Variants in YBEY observed in about 807,000 individuals in gnomAD.
The protein encoded by YBEY is ybeY metalloendoribonuclease, also known as endoribonuclease YbeY.
YBEY carries 15 observed loss-of-function variants against 13.5 expected under a neutral mutation model. That is an observed-to-expected ratio of 1.11 (90% CI 0.75 to 1.72). The LOEUF (loss-of-function observed/expected upper bound fraction) is 1.72, where lower values mean the gene tolerates loss of function less well. Among genes scored for constraint, YBEY ranks in the 40% most tolerant of loss-of-function variants. The pLI is 0.00. For missense variants in YBEY, 244 were observed against 208.4 expected (o/e 1.17, Z -1.05); for synonymous variants, 101 against 83.1 (o/e 1.21, Z -1.17).
chr21:46,297,211 A>C (rs908256245), intron 4 of YBEY, among the ~76,000 whole-genome samples: 39 of 152,220 alleles, frequency 2.6e-4, no homozygotes, highest in African/African-American at 8.7e-4. Context: ...AGGCAGGAGA[A>C]TCGCTTGAAC....
At chr21:46,291,197 CA>C (rs878872964) in intron 2 of YBEY, 136 bp from the exon 3 acceptor site, 69,357 of 639,154 alleles carry the variant, frequency 0.11, 50 homozygotes, top group African/African-American at 0.16. Context: ...AACTCCGTCT[CA>C]AAAAAAAAAA....
At chr21:46,312,269 C>A in the YBEY span, among the ~76,000 whole-genome samples, 1 of 152,150 alleles carries the variant, frequency 6.6e-6, no homozygotes, top group Non-Finnish European at 1.5e-5. Flanking sequence ...TGGGCTGAGG[C>A]CTGGTTCCAC....
At chr21:46,297,865 G>T (rs1020230233), downstream of YBEY, 2 of 1,005,602 alleles carry the variant, frequency 2.0e-6, no homozygotes, top group Middle Eastern at 3.7e-4. Context: ...ACCGCGCAGC[G>T]CTCGCCTCTC....
At chr21:46,308,157 T>C in the YBEY span, among the ~76,000 whole-genome samples, 1 of 151,744 alleles carries the variant, frequency 6.6e-6, no homozygotes, top group Non-Finnish European at 1.5e-5. Context: ...CCGCACCTGC[T>C]GATTTAACTT....
intron 3 of YBEY, 55 bp downstream of exon 3, chr21:46,291,517 A>T (rs778723342): frequency 6.2e-7 from 1 of 1,604,776 alleles, no homozygotes; most frequent in African/African-American, 1.3e-5. Flanking sequence ...GGGCCTTGCA[A>T]AGGGGTCAAG....
chr21:46,298,084 T>G (rs922709963), downstream of YBEY, among the ~76,000 whole-genome samples: 1 of 152,228 alleles, frequency 6.6e-6, no homozygotes, highest in Non-Finnish European at 1.5e-5. Context: ...GCGAGCGCGC[T>G]GGTTCCCCGG....
At chr21:46,302,624 T>C (rs762386663), downstream of YBEY, 2 of 1,463,558 alleles carry the variant, frequency 1.4e-6, no homozygotes, top group East Asian at 2.4e-5. Context: ...CCGTTTTTCC[T>C]ATTTGTTAAA....
In YBEY at chr21:46,291,426, G is replaced by A. The variant is rs2081706100; in HGVS notation, c.303G>A (p.Gln101=). ...TAGGAGTGGAGTATATCTTCCATCA[G>A]TGTAAAGAAAATGAAGATTACAATG... The part of the protein sequence containing the change: ...IFLGVEYIFH[Q]CKENEDYNDV... Residue 101 remains glutamine (Q), a synonymous_variant, in exon 3 of 5, where the codon CAG becomes CAA. Transcript: ENST00000397701. 2 of 1,613,978 alleles carry A rather than the reference G, an allele frequency of 1.2e-6. No individual in the cohort carries two copies. The highest frequency in any genetic ancestry group is 1.7e-6 in the Non-Finnish European group (2 of 1,180,028).
At chr21:46,292,302 G>C (rs1442074728) in intron 3 of YBEY, 2 of 152,236 alleles carry the variant, frequency 1.3e-5, no homozygotes, top group Non-Finnish European at 2.9e-5. Flanking sequence ...AATTACAGCA[G>C]GGCAAGCTGG....
chr21:46,313,104 C>T, the YBEY span: 3 of 972,144 alleles, frequency 3.1e-6, no homozygotes, highest in Non-Finnish European at 3.7e-6. Flanking sequence ...ACATCGTAAA[C>T]AGCTTCCAAA....
At chr21:46,300,805 GTGAA>G, downstream of YBEY, 2 of 1,286,552 alleles carry the variant, frequency 1.6e-6, no homozygotes, top group Non-Finnish European at 2.0e-6. Context: ...CTAATAGGGG[GTGAA>G]TGAAAGTTTA....
chr21:46,295,376 T>A (rs1316713000), intron 3 of YBEY, among the ~76,000 whole-genome samples: 1 of 151,368 alleles, frequency 6.6e-6, no homozygotes, highest in Non-Finnish European at 1.5e-5. Flanking sequence ...CTCCCAGACC[T>A]CCCTCTTCCC....
rs1337651102 is a variant in YBEY, at chr21:46,296,190, T to G, written c.368T>G (p.Leu123Trp). ...TVTATHGLCH[L>W]LGFTHGTEAE... is the part of the protein sequence containing the mutation. ...ACGGCCACCCACGGACTCTGTCACT[T>G]GCTGGGATTCACACACGGCACGGAG... The change falls in exon 4 of 5, where the codon TTG (leucine) becomes TGG (tryptophan). Residue 123 changes from leucine to tryptophan, a missense_variant. Coordinates refer to ENST00000397701, the MANE Select transcript of YBEY (RefSeq NM_001314025.2). 6.2e-7 allele frequency: 1 copy of G among 1,613,846 alleles called. No individual in the cohort carries two copies. Among genetic ancestry groups the G allele is most frequent in the Non-Finnish European group, 8.5e-7 (1 of 1,180,004 alleles).
At chr21:46,304,363 T>C in the YBEY span, among the ~76,000 whole-genome samples, 1 of 151,796 alleles carries the variant, frequency 6.6e-6, no homozygotes, top group Non-Finnish European at 1.5e-5. Context: ...TGACTGTGCC[T>C]GTAGTCCCAG....
chr21:46,301,791 A>T, downstream of YBEY: 1 of 1,242,280 alleles, frequency 8.0e-7, no homozygotes, highest in Non-Finnish European at 1.0e-6. Flanking sequence ...GGGGACCCGG[A>T]GCAAGGGATG....
the YBEY span, among the ~76,000 whole-genome samples, chr21:46,303,745 A>ATTT: frequency 3.8e-4 from 9 of 23,820 alleles, no homozygotes; most frequent in Admixed American, 1.6e-3. Flanking sequence ...ATATATATAT[A>ATTT]TTTTTTTTTT....
intron 3 of YBEY, among the ~76,000 whole-genome samples, chr21:46,292,410 T>G (rs1162731988): frequency 6.6e-6 from 1 of 152,214 alleles, no homozygotes; most frequent in Non-Finnish European, 1.5e-5. Context: ...CTTCACAAGC[T>G]TCACAGAGGT....
At chr21:46,299,472 T>C (rs1309311498), downstream of YBEY, among the ~76,000 whole-genome samples, 1 of 152,124 alleles carries the variant, frequency 6.6e-6, no homozygotes, top group Non-Finnish European at 1.5e-5. Flanking sequence ...CTGGACCCTC[T>C]TGCAAGCCAG....
Position 46,287,065 on chromosome 21 carries a change from A to T in YBEY, c.152A>T (p.Asn51Ile). 2 of 1,614,036 alleles carry T rather than the reference A, an allele frequency of 1.2e-6. No homozygotes were observed. Among genetic ancestry groups the T allele is most frequent in the Non-Finnish European group, 1.7e-6 (2 of 1,180,008 alleles). ...GACAACAAGAATATTCAGCACATTA[A>T]TAGAATCTACAGAGATAGAAATGTC... ...CVDNKNIQHI[N>I]RIYRDRNVPT... Residue 51 changes from asparagine (N) to isoleucine (I), a missense_variant, in exon 2 of 5, where the codon AAT becomes ATT. Transcript: ENST00000397701.
Sources: gnomAD v4.1 joint callset for allele counts (sites outside exome capture counted in the v4.1 genomes callset) on GRCh38, gnomAD v4.1.1 for gene constraint, MANE v1.5 for transcripts, NCBI Gene and HGNC (gene_info 2026-07-23, HGNC 2026-07-21) for gene names.